Variants in CBR4 observed in about 807,000 individuals in gnomAD.
CBR4 encodes the protein 3-oxoacyl-[acyl-carrier-protein] reductase.
A neutral mutation model predicts 21.0 loss-of-function variants in CBR4; 22 were observed. The ratio of observed to expected loss-of-function variants is 1.05; its 90% confidence interval spans 0.75 to 1.50. The LOEUF (loss-of-function observed/expected upper bound fraction) is 1.50, where lower values mean the gene tolerates loss of function less well. Among genes scored for constraint, CBR4 ranks in the 40% most tolerant of loss-of-function variants. The pLI is 0.00. For synonymous variants in CBR4, 100 were observed against 104.4 expected (o/e 0.96, Z 0.26); for missense variants, 302 against 286.3 (o/e 1.05, Z -0.40).
At chr4:168,951,801 T>A (rs1457918141) in intron 2 of CBR4, among the ~76,000 whole-genome samples, 1 of 152,196 alleles carries the variant, frequency 6.6e-6, no homozygotes, top group African/African-American at 2.4e-5. Context: ...TCTGATAGGT[T>A]TTCCTTTAAA....
intron 2 of CBR4, among the ~76,000 whole-genome samples, chr4:168,963,627 T>C (rs1156565296): frequency 2.0e-5 from 3 of 151,958 alleles, no homozygotes; most frequent in African/African-American, 7.2e-5. Flanking sequence ...CCCACCGCCA[T>C]GCCCAGCTAT....
At chr4:168,985,086 GA>G (rs1764647219), downstream of CBR4, among the ~76,000 whole-genome samples, 1 of 152,048 alleles carries the variant, frequency 6.6e-6, no homozygotes, top group South Asian at 2.1e-4. Context: ...CATAGCAAAA[GA>G]AACTATCAAC....
intron 2 of CBR4, chr4:168,913,869 G>C (rs1582135437): frequency 2.7e-6 from 3 of 1,106,312 alleles, no homozygotes; most frequent in East Asian, 2.4e-5. Flanking sequence ...AGGCATGATA[G>C]TGCTTAGTGG....
intron 2 of CBR4, chr4:168,921,414 A>G (rs1761481527): frequency 1.6e-6 from 1 of 632,070 alleles, no homozygotes; most frequent in African/African-American, 1.9e-5. Context: ...TCCAAAAAAA[A>G]AAAAAAAAAA....
Position 168,921,715 on chromosome 4 carries a change from C to T in CBR4, n.170-26950G>A. ...GCTACCAACCGAGCAGGACAGAACT[C>T]ATTCAGCCTGGAGCTTGTGGTTGCT... On this transcript the variant is annotated intron_variant and non_coding_transcript_variant, in intron 2 of 3. Transcript: ENST00000509108. 1 of 1,611,594 alleles carries T rather than the reference C, an allele frequency of 6.2e-7. No individual in the cohort carries two copies. The highest frequency in any genetic ancestry group is 8.5e-7 in the Non-Finnish European group (1 of 1,179,756).
At chr4:168,958,960 T>C (rs1213845509) in intron 2 of CBR4, among the ~76,000 whole-genome samples, 1 of 152,206 alleles carries the variant, frequency 6.6e-6, no homozygotes, top group Non-Finnish European at 1.5e-5. Context: ...TATATGTATA[T>C]ATATAGTTTC....
intron 2 of CBR4, among the ~76,000 whole-genome samples, chr4:168,930,996 C>A (rs140941523): frequency 1.3e-5 from 2 of 152,148 alleles, no homozygotes; most frequent in African/African-American, 4.8e-5. Context: ...TCCAGCCCAG[C>A]GGCTCTGTCA....
In CBR4 at chr4:168,989,104, T is replaced by C; in HGVS notation, c.*1046A>G. 1.0e-6 allele frequency: 1 copy of C among 980,438 alleles called. No homozygotes were observed. Among genetic ancestry groups the C allele is most frequent in the African/African-American group, 1.7e-5 (1 of 57,278 alleles). The allele number at this position is 980,438 out of a possible 1,614,324, so 60.7% of individuals were successfully genotyped here. On this transcript the variant is annotated 3_prime_UTR_variant, in exon 5 of 5. Transcript: ENST00000306193. ...ACTGCTTCTTGTAAAGACATTTAAT[T>C]TAATGTTATTGCATATTTATTTATT... is the stretch of plus-strand genomic sequence containing the variant.
At position 168,989,725 on chromosome 4, in the gene CBR4, C is replaced by G. The variant is rs1021031259; in HGVS notation, c.*425G>C. 5.4e-5 allele frequency: 53 copies of G among 978,268 alleles called. No homozygotes were observed. The highest frequency in any genetic ancestry group is 6.2e-5 in the Non-Finnish European group (51 of 823,498). 60.6% of individuals were successfully genotyped at this position (978,268 alleles called of 1,614,324 possible). ...TTGAGACAAAATATATAAATCAATA[C>G]TTGTTTATATGACTTGCAAAATGTC... is the stretch of plus-strand genomic sequence containing the variant. On this transcript the variant is annotated 3_prime_UTR_variant, in exon 5 of 5. Coordinates refer to ENST00000306193, the MANE Select transcript of CBR4 (RefSeq NM_032783.5).
chr4:168,938,716 T>C (rs1273873415), intron 2 of CBR4, among the ~76,000 whole-genome samples: 1 of 152,064 alleles, frequency 6.6e-6, no homozygotes, highest in African/African-American at 2.4e-5. Flanking sequence ...CTAGAAGAAA[T>C]GGATAAATTC....
At chr4:168,942,109 C>A (rs1043673502) in intron 2 of CBR4, among the ~76,000 whole-genome samples, 10 of 152,074 alleles carry the variant, frequency 6.6e-5, no homozygotes, top group Admixed American at 4.6e-4. Flanking sequence ...TGGAAGCCAT[C>A]ATTCTCAGCA....
At chr4:168,903,621 A>AGT in intron 2 of CBR4, 1 of 700,584 alleles carries the variant, frequency 1.4e-6, no homozygotes, top group Non-Finnish European at 2.6e-6. Flanking sequence ...TCAATTCCTT[A>AGT]GTCAGGTATT....
At chr4:168,930,854 C>G (rs564943079) in intron 2 of CBR4, among the ~76,000 whole-genome samples, 30 of 152,286 alleles carry the variant, frequency 2.0e-4, no homozygotes, top group Middle Eastern at 3.4e-3. Context: ...TTCCACAGTC[C>G]TCACAAGCCC....
chr4:168,956,024 C>T (rs561717559), intron 2 of CBR4, among the ~76,000 whole-genome samples: 3 of 152,268 alleles, frequency 2.0e-5, no homozygotes, highest in Admixed American at 1.3e-4. Flanking sequence ...AAAATACAAT[C>T]GGCACAGCAG....
intron 2 of CBR4, among the ~76,000 whole-genome samples, chr4:168,957,879 A>G (rs988776280): frequency 5.9e-5 from 9 of 152,104 alleles, no homozygotes; most frequent in Admixed American, 1.3e-4. Flanking sequence ...AGTTCTCACG[A>G]GATCTGATGG....
At chr4:168,909,083 T>C (rs570394256) in intron 2 of CBR4, among the ~76,000 whole-genome samples, 1 of 152,248 alleles carries the variant, frequency 6.6e-6, no homozygotes, top group East Asian at 1.9e-4. Context: ...AAATAATGAG[T>C]GACTGTGCAG....
chr4:168,906,187 G>A (rs1757763242), intron 2 of CBR4, among the ~76,000 whole-genome samples: 1 of 152,054 alleles, frequency 6.6e-6, no homozygotes, highest in African/African-American at 2.4e-5. Flanking sequence ...ATTATCTGTG[G>A]TCCTTACGTA....
chr4:169,001,895 T>C, intron 4 of CBR4, 176 bp downstream of exon 4: 1 of 474,258 alleles, frequency 2.1e-6, no homozygotes, highest in Non-Finnish European at 3.7e-6. Flanking sequence ...ACATAGACTT[T>C]ATATAGAATA....
At chr4:168,955,947 C>G (rs1192563948) in intron 2 of CBR4, among the ~76,000 whole-genome samples, 1 of 152,006 alleles carries the variant, frequency 6.6e-6, no homozygotes, top group Non-Finnish European at 1.5e-5. Context: ...CCTTAATAAC[C>G]TATGGGCACA....
Sources: allele counts gnomAD v4.1 joint callset (sites outside exome capture counted in the v4.1 genomes callset), GRCh38; gene constraint gnomAD v4.1.1; transcripts MANE v1.5; gene names NCBI Gene and HGNC (gene_info 2026-07-23, HGNC 2026-07-21).